CADM2: variants seen among roughly 807,000 people sequenced by gnomAD.
The protein encoded by CADM2 is cell adhesion molecule 2, also known as immunoglobulin superfamily member 4D.
In CADM2, 12 loss-of-function variants were observed where a neutral mutation model predicts 49.8. The observed-to-expected ratio is 0.24, with a 90% CI of 0.15 to 0.39. The LOEUF (loss-of-function observed/expected upper bound fraction) is 0.39. Among genes scored for constraint, CADM2 ranks in the 10% least tolerant of loss-of-function variants. CADM2 has a pLI of 1.00. For synonymous variants in CADM2, 214 were observed against 175.4 expected, an observed-to-expected ratio of 1.22 and a Z score of -1.74; for missense variants, 378 against 492.3, an observed-to-expected ratio of 0.77 and a Z score of 2.20.
intron 1 of CADM2, among the ~76,000 whole-genome samples, chr3:85,059,719 C>A (rs562568590): frequency 6.6e-6 from 1 of 152,250 alleles, no homozygotes; most frequent in African/African-American, 2.4e-5. Flanking sequence ...CACAAGGTCT[C>A]TTCTCTCATC....
intron 7 of CADM2, among the ~76,000 whole-genome samples, chr3:85,956,756 A>G (rs1030710798): frequency 2.0e-5 from 3 of 151,466 alleles, no homozygotes; most frequent in Admixed American, 6.6e-5. Flanking sequence ...TTAAAAAGAC[A>G]TATCTGAATT....
At chr3:85,492,944 C>T (rs2039737843) in intron 1 of CADM2, among the ~76,000 whole-genome samples, 1 of 151,966 alleles carries the variant, frequency 6.6e-6, no homozygotes, top group South Asian at 2.1e-4. Context: ...ATTTTTATAA[C>T]TCGTATAAAT....
chr3:86,065,657 A>G lies in CADM2; in HGVS notation c.1023A>G (p.Gly341=). Residue 341 remains glycine (G), a synonymous_variant, in exon 9 of 10, where the codon GGA becomes GGG. Coordinates refer to ENST00000383699, the MANE Select transcript of CADM2 (RefSeq NM_001167675.2). ...GCCCTGACCATGCTCTCATAGGAGG[A>G]ATAGTGGCTGTAGTTGTATTTGTCA... ...QNGPDHALIG[G]IVAVVVFVTL... is the part of the protein sequence containing the mutation. 6.2e-7 allele frequency: 1 copy of G among 1,614,022 alleles called. No individual in the cohort carries two copies. The highest frequency in any genetic ancestry group is 8.5e-7 in the Non-Finnish European group (1 of 1,179,936).
chr3:85,555,325 G>C (rs1207904894), intron 1 of CADM2, among the ~76,000 whole-genome samples: 4 of 152,004 alleles, frequency 2.6e-5, no homozygotes, highest in Middle Eastern at 3.2e-3. Flanking sequence ...CCTGTATCTT[G>C]GTTGGCATTT....
chr3:85,802,024 C>T (rs772099802), intron 2 of CADM2, 23 bp from the exon 3 acceptor site: 9 of 1,577,398 alleles, frequency 5.7e-6, no homozygotes, highest in African/African-American at 5.4e-5. Flanking sequence ...ATTTAATCAA[C>T]ATTTTCTTTA....
chr3:85,525,142 G>T (rs903852029), intron 1 of CADM2, among the ~76,000 whole-genome samples: 2 of 151,992 alleles, frequency 1.3e-5, no homozygotes, highest in South Asian at 2.1e-4. Context: ...GTATCCCAGA[G>T]CTTAAAGTAT....
intron 1 of CADM2, among the ~76,000 whole-genome samples, chr3:85,082,909 A>C (rs141542230): frequency 1.3e-5 from 2 of 152,146 alleles, no homozygotes; most frequent in Non-Finnish European, 2.9e-5. Context: ...AACTGAGTGC[A>C]TATGTCCTGA....
At chr3:85,890,935 CAGAG>C (rs1465701621) in intron 5 of CADM2, among the ~76,000 whole-genome samples, 2 of 152,034 alleles carry the variant, frequency 1.3e-5, no homozygotes, top group African/African-American at 4.8e-5. Flanking sequence ...GAGAAGTAAA[CAGAG>C]AGGCAGGGTT....
chr3:86,045,532 G>A (rs1736556962), intron 8 of CADM2, among the ~76,000 whole-genome samples: 1 of 152,064 alleles, frequency 6.6e-6, no homozygotes, highest in Admixed American at 6.5e-5. Flanking sequence ...CTGTGAAATT[G>A]AACCACATAA....
chr3:85,764,112 G>T (rs762037279), intron 2 of CADM2, among the ~76,000 whole-genome samples: 3 of 151,818 alleles, frequency 2.0e-5, no homozygotes, highest in Non-Finnish European at 2.9e-5. Flanking sequence ...CTTTTCTTCC[G>T]CATTATATTA....
intron 1 of CADM2, among the ~76,000 whole-genome samples, chr3:85,479,533 T>C (rs887316313): frequency 6.6e-6 from 1 of 151,776 alleles, no homozygotes; most frequent in African/African-American, 2.4e-5. Context: ...AGCAAGAGAG[T>C]ACTGGAGCAG....
intron 4 of CADM2, among the ~76,000 whole-genome samples, chr3:85,885,300 G>A (rs1328154307): frequency 1.3e-5 from 2 of 151,322 alleles, no homozygotes; most frequent in Non-Finnish European, 2.9e-5. Context: ...ACTTTGGGAG[G>A]CCGAGGTAGG....
chr3:85,606,250 T>C (rs1008533536), intron 1 of CADM2, among the ~76,000 whole-genome samples: 5 of 152,112 alleles, frequency 3.3e-5, no homozygotes, highest in African/African-American at 1.2e-4. Flanking sequence ...ATTTGAACTC[T>C]CATTTTTTTG....
At chr3:85,717,299 C>T (rs183206930) in intron 1 of CADM2, among the ~76,000 whole-genome samples, 7 of 152,156 alleles carry the variant, frequency 4.6e-5, no homozygotes, top group Admixed American at 3.3e-4. Flanking sequence ...CTCTGTTTGT[C>T]TATTATTGCT....
chr3:85,864,274 A>C (rs1407324949), intron 3 of CADM2, among the ~76,000 whole-genome samples: 2 of 152,116 alleles, frequency 1.3e-5, no homozygotes, highest in African/African-American at 2.4e-5. Context: ...AATTATAAAC[A>C]CCTTGCATTA....
chr3:85,686,868 G>T (rs980350689), intron 1 of CADM2, among the ~76,000 whole-genome samples: 1 of 152,060 alleles, frequency 6.6e-6, no homozygotes, highest in South Asian at 2.1e-4. Context: ...CTCCCCTTTT[G>T]GAGTTGTCTT....
intron 1 of CADM2, among the ~76,000 whole-genome samples, chr3:85,452,541 G>A (rs1049989320): frequency 6.6e-6 from 1 of 151,396 alleles, no homozygotes; most frequent in Non-Finnish European, 1.5e-5. Context: ...TTTAACACAC[G>A]CTGTTGTATA....
At chr3:85,412,924 G>A (rs1039840039) in intron 1 of CADM2, among the ~76,000 whole-genome samples, 31 of 151,254 alleles carry the variant, frequency 2.0e-4, no homozygotes, top group Admixed American at 5.9e-4. Flanking sequence ...GGCGGATCAC[G>A]AGGTCAGGAG....
intron 1 of CADM2, among the ~76,000 whole-genome samples, chr3:85,319,114 T>C (rs1379572468): frequency 6.6e-6 from 1 of 152,174 alleles, no homozygotes; most frequent in Non-Finnish European, 1.5e-5. Context: ...AAGAACATGA[T>C]ATAAGGTCAG....
Sources: gnomAD v4.1 joint callset for allele counts (sites outside exome capture counted in the v4.1 genomes callset) on GRCh38, gnomAD v4.1.1 for gene constraint, MANE v1.5 for transcripts, NCBI Gene and HGNC (gene_info 2026-07-23, HGNC 2026-07-21) for gene names.